NHEJ1: variants seen among roughly 807,000 people sequenced by gnomAD.
The protein encoded by NHEJ1 is non-homologous end-joining factor 1.
A neutral mutation model predicts 39.4 loss-of-function variants in NHEJ1; 22 were observed. The ratio of observed to expected loss-of-function variants is 0.56; its 90% confidence interval spans 0.40 to 0.80. The LOEUF is 0.80. Ranked by LOEUF, NHEJ1 falls within the 30% of genes least tolerant of loss-of-function variation. The pLI is 0.00. For synonymous variants in NHEJ1, 154 were observed against 135.6 expected, an observed-to-expected ratio of 1.14 and a Z score of -0.94; for missense variants, 329 against 357.1, an observed-to-expected ratio of 0.92 and a Z score of 0.63.
At chr2:219,159,516 T>TATATATATATATGCATATATATATATGC (rs1559206035) in intron 1 of NHEJ1, among the ~76,000 whole-genome samples, 16 of 51,878 alleles carry the variant, frequency 3.1e-4, no homozygotes, top group Non-Finnish European at 6.4e-4. Context: ...CATAACTTTA[T>TATATATATATATGCATATATATATATGC]ATATATATGC....
At chr2:219,136,797 T>C (rs1012455427) in intron 5 of NHEJ1, among the ~76,000 whole-genome samples, 3 of 152,028 alleles carry the variant, frequency 2.0e-5, no homozygotes, top group Non-Finnish European at 4.4e-5. Context: ...GAGATGGGGT[T>C]TCGCCATGTT....
intron 1 of NHEJ1, among the ~76,000 whole-genome samples, chr2:219,159,602 CATAT>C (rs1355012364): frequency 1.6e-5 from 2 of 126,632 alleles, no homozygotes; most frequent in Non-Finnish European, 3.2e-5. Context: ...TATATATATG[CATAT>C]ATATACATAT....
chr2:219,103,062 T>G (rs1300706928), intron 5 of NHEJ1, among the ~76,000 whole-genome samples: 1 of 136,686 alleles, frequency 7.3e-6, no homozygotes, highest in Non-Finnish European at 1.6e-5. Flanking sequence ...GTGCCTGTAA[T>G]CCCAGCTACT....
At chr2:219,099,094 C>T (rs1036826413) in intron 5 of NHEJ1, among the ~76,000 whole-genome samples, 3 of 151,976 alleles carry the variant, frequency 2.0e-5, no homozygotes, top group Non-Finnish European at 2.9e-5. Context: ...GGAAGAAAGC[C>T]GGCAAAACAG....
chr2:219,106,091 T>C (rs1307542636), intron 5 of NHEJ1, among the ~76,000 whole-genome samples: 2 of 152,220 alleles, frequency 1.3e-5, no homozygotes, highest in Admixed American at 6.5e-5. Flanking sequence ...GTTCATTCCA[T>C]GAATGAATGG....
intron 5 of NHEJ1, among the ~76,000 whole-genome samples, chr2:219,116,012 C>CG (rs1949412404): frequency 6.7e-6 from 1 of 148,842 alleles, no homozygotes; most frequent in Non-Finnish European, 1.5e-5. Context: ...CCCAGCTACT[C>CG]GGAGGGCTGA....
intron 5 of NHEJ1, among the ~76,000 whole-genome samples, chr2:219,140,370 A>G (rs1202345131): frequency 6.6e-6 from 1 of 152,256 alleles, no homozygotes; most frequent in East Asian, 1.9e-4. Context: ...GTGCCTTGCA[A>G]CTTAATAAGA....
chr2:219,102,952 C>A, intron 5 of NHEJ1, among the ~76,000 whole-genome samples: 1 of 141,570 alleles, frequency 7.1e-6, no homozygotes, highest in East Asian at 2.0e-4. Context: ...TTGCAGTGAG[C>A]CGAGATCCCG....
chr2:219,158,075 A>T (rs1057157479), intron 2 of NHEJ1, 111 bp downstream of exon 2: 29 of 1,017,438 alleles, frequency 2.9e-5, no homozygotes, highest in Non-Finnish European at 4.0e-5. Flanking sequence ...GAAGTACAGG[A>T]CATTAACTGG....
chr2:219,137,584 A>AG (rs1559199728), intron 5 of NHEJ1, among the ~76,000 whole-genome samples: 4 of 140,164 alleles, frequency 2.9e-5, no homozygotes, highest in Non-Finnish European at 4.8e-5. Flanking sequence ...AAAAAAAAAA[A>AG]AAAAAAAACA....
At chr2:219,090,579 A>G (rs1001915662) in intron 5 of NHEJ1, among the ~76,000 whole-genome samples, 1 of 152,130 alleles carries the variant, frequency 6.6e-6, no homozygotes, top group Non-Finnish European at 1.5e-5. Context: ...ATAAACAAAT[A>G]ATTGTTCCTC....
At chr2:219,158,161 C>T in intron 2 of NHEJ1, 25 bp downstream of exon 2, 2 of 1,613,616 alleles carry the variant, frequency 1.2e-6, no homozygotes, top group Non-Finnish European at 1.7e-6. Flanking sequence ...ATCCCCGACA[C>T]AGCAGTACTT....
At chr2:219,158,035 A>G (rs1188850271) in intron 2 of NHEJ1, 151 bp downstream of exon 2, 2 of 740,302 alleles carry the variant, frequency 2.7e-6, no homozygotes, top group African/African-American at 1.8e-5. Context: ...ACACACACAC[A>G]CACAAAGATT....
intron 5 of NHEJ1, among the ~76,000 whole-genome samples, chr2:219,091,212 A>C (rs1308947615): frequency 1.3e-5 from 2 of 152,068 alleles, no homozygotes; most frequent in African/African-American, 4.8e-5. Context: ...GTTAGATAGG[A>C]GCCTTTGGCT....
At chr2:219,148,887 C>A (rs530029038) in intron 3 of NHEJ1, among the ~76,000 whole-genome samples, 5 of 151,774 alleles carry the variant, frequency 3.3e-5, no homozygotes, top group Non-Finnish European at 5.9e-5. Context: ...CACAACCCCC[C>A]CTTTTTTTTT....
chr2:219,134,524 C>T (rs1949606898), intron 5 of NHEJ1, among the ~76,000 whole-genome samples: 1 of 152,176 alleles, frequency 6.6e-6, no homozygotes, highest in African/African-American at 2.4e-5. Flanking sequence ...TTACTCCTTC[C>T]AGTTATGACT....
chr2:219,104,705 C>G (rs1478616765), intron 5 of NHEJ1, among the ~76,000 whole-genome samples: 1 of 149,596 alleles, frequency 6.7e-6, no homozygotes, highest in Non-Finnish European at 1.5e-5. Context: ...AAAGGCACCC[C>G]CCCACACACA....
chr2:219,113,776 C>T (rs1369314088), intron 5 of NHEJ1, among the ~76,000 whole-genome samples: 3 of 152,168 alleles, frequency 2.0e-5, no homozygotes, highest in Non-Finnish European at 2.9e-5. Context: ...GCCAGAACTG[C>T]TATCATTTCC....
At chr2:219,123,014 G>A (rs1949485793) in intron 5 of NHEJ1, among the ~76,000 whole-genome samples, 1 of 152,198 alleles carries the variant, frequency 6.6e-6, no homozygotes, top group South Asian at 2.1e-4. Context: ...TACGTCCCTG[G>A]CACTGGGGGG....
Sources: gnomAD v4.1 joint callset for allele counts (sites outside exome capture counted in the v4.1 genomes callset) on GRCh38, gnomAD v4.1.1 for gene constraint, MANE v1.5 for transcripts, NCBI Gene and HGNC (gene_info 2026-07-23, HGNC 2026-07-21) for gene names.